VRK1: variants seen among roughly 807,000 people sequenced by gnomAD.
The protein encoded by VRK1 is serine/threonine-protein kinase VRK1.
A neutral mutation model predicts 57.1 loss-of-function variants in VRK1; 33 were observed. The ratio of observed to expected loss-of-function variants is 0.58; its 90% CI spans 0.44 to 0.77. The LOEUF (loss-of-function observed/expected upper bound fraction) is 0.77, where lower values mean the gene tolerates loss of function less well. Among genes scored for constraint, VRK1 ranks in the 30% least tolerant of loss-of-function variants. VRK1 has a pLI of 0.00. For synonymous variants in VRK1, 137 were observed against 147.8 expected (o/e 0.93, Z 0.53); for missense variants, 413 against 477.3 (o/e 0.87, Z 1.25).
chr14:96,872,970 A>G (rs2139840402), intron 11 of VRK1, among the ~76,000 whole-genome samples: 1 of 152,306 alleles, frequency 6.6e-6, no homozygotes, highest in South Asian at 2.1e-4. Context: ...TCTATAGCAC[A>G]TATGACATAT....
rs1435745781 is a variant in VRK1, at chr14:96,810,928, T to C, written c.-6+13481T>C. Among the ~76,000 whole-genome samples, 3 of 136,402 alleles carry C rather than the reference T, an allele frequency of 2.2e-5. No individual in the cohort carries two copies. The East Asian group carries it at 5.9e-4, about 27-fold the overall frequency. The allele number at this position is 136,402 out of a possible 152,430, so 89.5% of individuals were successfully genotyped here. A position where few individuals can be genotyped will look rare whatever the true frequency, so the allele number is the denominator to read the frequency against. ...TTGGCAAGTCCAAGATCACCTGTTC[T>C]TCTGATTTTTTTTTTTAATTTTTTT... On this transcript the variant is annotated intron_variant, in intron 1 of 12. Transcript: ENST00000216639.
chr14:96,850,302 G>C (rs1459647448), intron 5 of VRK1, among the ~76,000 whole-genome samples: 1 of 152,148 alleles, frequency 6.6e-6, no homozygotes, highest in Admixed American at 6.6e-5. Context: ...GTAGGGCTTA[G>C]AGCAATGTTA....
chr14:96,843,516 A>G (rs1446928971), intron 3 of VRK1, among the ~76,000 whole-genome samples: 3 of 152,198 alleles, frequency 2.0e-5, no homozygotes, highest in African/African-American at 7.2e-5. Flanking sequence ...GAAATTTTGT[A>G]CAGCTTCATT....
At chr14:96,802,571 G>T (rs1333863060) in intron 1 of VRK1, among the ~76,000 whole-genome samples, 2 of 152,200 alleles carry the variant, frequency 1.3e-5, no homozygotes, top group Non-Finnish European at 2.9e-5. Flanking sequence ...AGAACAGACC[G>T]GTTTTGCTGG....
chr14:96,872,435 C>A (rs1888858669), intron 11 of VRK1, among the ~76,000 whole-genome samples: 1 of 152,122 alleles, frequency 6.6e-6, no homozygotes, highest in Admixed American at 6.5e-5. Context: ...CCTCAGGGAA[C>A]ATACGTAGTA....
Position 96,819,094 on chromosome 14 carries a change from T to A in VRK1, c.-5-14373T>A, listed in dbSNP as rs116611454. Among the ~76,000 whole-genome samples the A allele has an allele frequency of 9.0e-3, 1,364 of 152,340 alleles. 26 individuals carry two copies. The highest frequency in any genetic ancestry group is 0.031 in the African/African-American group (1,296 of 41,578). On this transcript the variant is annotated intron_variant, in intron 1 of 12. Transcript: ENST00000216639. Reference sequence around the variant, plus strand: ...GAGTTCTTTGTTGACTGACTATCTTTCGTTTGATTTTATTCTGACTTACTG... The same window carrying A: ...GAGTTCTTTGTTGACTGACTATCTTACGTTTGATTTTATTCTGACTTACTG...
intron 11 of VRK1, among the ~76,000 whole-genome samples, chr14:96,862,334 A>T (rs1888423418): frequency 6.6e-6 from 1 of 152,206 alleles, no homozygotes; most frequent in Non-Finnish European, 1.5e-5. Context: ...ATGAATACTA[A>T]GTTGAACAAG....
At chr14:96,804,168 T>G (rs1185782909) in intron 1 of VRK1, among the ~76,000 whole-genome samples, 2 of 152,244 alleles carry the variant, frequency 1.3e-5, no homozygotes, top group African/African-American at 4.8e-5. Context: ...TCCGTGATCC[T>G]TTTTGGTTTC....
intron 2 of VRK1, among the ~76,000 whole-genome samples, chr14:96,834,773 G>T (rs1324465881): frequency 3.9e-5 from 6 of 152,154 alleles, no homozygotes; most frequent in Admixed American, 2.0e-4. Flanking sequence ...GAACTAGGCT[G>T]TATCTCTGAT....
intron 3 of VRK1, 57 bp from the exon 4 acceptor site, chr14:96,846,038 G>A: frequency 6.8e-7 from 1 of 1,467,250 alleles, no homozygotes; most frequent in South Asian, 1.2e-5. Context: ...AAGGTTCATT[G>A]AAAATATCTC....
At chr14:96,870,822 A>G (rs1445294455) in intron 11 of VRK1, among the ~76,000 whole-genome samples, 2 of 152,146 alleles carry the variant, frequency 1.3e-5, no homozygotes, top group African/African-American at 4.8e-5. Context: ...TGTTAGCTGA[A>G]TGTTTTTTCT....
Position 96,828,468 on chromosome 14 carries a change from T to G in VRK1, c.-5-4999T>G, listed in dbSNP as rs182906111. Among the ~76,000 whole-genome samples the G allele has an allele frequency of 1.2e-3, 182 of 152,306 alleles. 3 individuals are homozygous for G. The highest frequency in any genetic ancestry group is 0.012 in the Admixed American group (180 of 15,288). On this transcript the variant is annotated intron_variant, in intron 1 of 12. Transcript: ENST00000216639. ...TAAAGGAAGAAAAGCTTCCAAAATC[T>G]TATTATGAAGTGAGCATAATATTGA...
intron 1 of VRK1, among the ~76,000 whole-genome samples, chr14:96,797,801 A>G (rs560057728): frequency 4.0e-4 from 61 of 152,328 alleles, no homozygotes; most frequent in African/African-American, 1.4e-3. Flanking sequence ...CGGTTCTGTC[A>G]GGCGGGGCTC....
At chr14:96,880,975 A>G (rs957179548) in intron 12 of VRK1, among the ~76,000 whole-genome samples, 24 of 152,342 alleles carry the variant, frequency 1.6e-4, no homozygotes, top group Admixed American at 6.5e-5. Flanking sequence ...ATTTTTTGAC[A>G]TATTAAAAAA....
intron 11 of VRK1, among the ~76,000 whole-genome samples, chr14:96,874,526 G>A (rs1261462565): frequency 6.6e-6 from 1 of 152,184 alleles, no homozygotes; most frequent in East Asian, 1.9e-4. Context: ...TCAGTTATAT[G>A]AAGTTATAGC....
At chr14:96,855,950 A>AG (rs1218057022) in intron 8 of VRK1, among the ~76,000 whole-genome samples, 180 bp from the exon 9 acceptor site, 2 of 152,204 alleles carry the variant, frequency 1.3e-5, no homozygotes, top group Non-Finnish European at 2.9e-5. Context: ...GTTAATTGGG[A>AG]GGTAAGCTAT....
At chr14:96,818,078 T>C (rs999536952) in intron 1 of VRK1, among the ~76,000 whole-genome samples, 3 of 152,180 alleles carry the variant, frequency 2.0e-5, no homozygotes, top group African/African-American at 7.2e-5. Context: ...TCCTTCTACC[T>C]ACTATCTCAA....
chr14:96,871,104 G>A (rs1381859203), intron 11 of VRK1, among the ~76,000 whole-genome samples: 1 of 151,898 alleles, frequency 6.6e-6, no homozygotes, highest in Admixed American at 6.6e-5. Context: ...TGTAATTTTT[G>A]GTGTGCTATT....
chr14:96,811,136 G>A (rs1416115894), intron 1 of VRK1, among the ~76,000 whole-genome samples: 1 of 151,956 alleles, frequency 6.6e-6, no homozygotes, highest in East Asian at 1.9e-4. Context: ...TCACCATGTT[G>A]GCCAGGCTGG....
Sources: allele counts gnomAD v4.1 joint callset (sites outside exome capture counted in the v4.1 genomes callset), GRCh38; gene constraint gnomAD v4.1.1; transcripts MANE v1.5; gene names NCBI Gene and HGNC (gene_info 2026-07-23, HGNC 2026-07-21).